Variants in SLC25A48 observed in about 807,000 individuals in gnomAD.
SLC25A48 encodes CTC-321K16.1.
SLC25A48 carries 29 observed loss-of-function variants against 32.2 expected under a neutral mutation model. The observed-to-expected ratio is 0.90, with a 90% CI of 0.67 to 1.23. The LOEUF is 1.23. SLC25A48 is among the 50% of genes most tolerant of loss of function. The pLI is 0.00. For missense variants in SLC25A48, 399 were observed against 422.7 expected, an observed-to-expected ratio of 0.94 and a Z score of 0.49; for synonymous variants, 164 against 172.3, an observed-to-expected ratio of 0.95 and a Z score of 0.38.
At chr5:135,753,355 A>AATGAG (rs1755815877) in intron 3 of SLC25A48, among the ~76,000 whole-genome samples, 1 of 151,998 alleles carries the variant, frequency 6.6e-6, no homozygotes, top group African/African-American at 2.4e-5. Flanking sequence ...TAGTAGCAGT[A>AATGAG]ATATCTCGAG....
chr5:135,799,784 T>G (rs1757276681), intron 3 of SLC25A48, among the ~76,000 whole-genome samples: 1 of 151,774 alleles, frequency 6.6e-6, no homozygotes, highest in African/African-American at 2.4e-5. Context: ...ACTTTAATAT[T>G]GTTCCTAATA....
chr5:135,849,346 A>G (rs1188031552), intron 2 of SLC25A48, among the ~76,000 whole-genome samples: 1 of 152,136 alleles, frequency 6.6e-6, no homozygotes, highest in Non-Finnish European at 1.5e-5. Context: ...CAGGCATGAC[A>G]TGCTGTGTGT....
intron 3 of SLC25A48, among the ~76,000 whole-genome samples, chr5:135,689,153 G>A (rs184893105): frequency 0.03 from 4,588 of 152,264 alleles, 229 homozygotes; most frequent in African/African-American, 0.1. Context: ...AATGAGATAA[G>A]CCAAATACTC....
chr5:135,874,135 A>T lies in SLC25A48; in HGVS notation c.794A>T (p.Tyr265Phe), dbSNP rs1444714431. ...KGVLDCISQS[Y>F]QKEGLKVFFR... is the part of the protein sequence containing the mutation. ...GTCCTGGACTGTATCTCCCAGAGTTACCAGAAGGAAGGTCTTAAAGTAAGC... is the reference window on the plus strand; with the variant it reads ...GTCCTGGACTGTATCTCCCAGAGTTTCCAGAAGGAAGGTCTTAAAGTAAGC... Residue 265 changes from tyrosine (Y) to phenylalanine (F), a missense_variant, in exon 6 of 8, where the codon TAC becomes TTC. Physicochemically the swap from Tyr to Phe is conservative, Grantham distance 22. Coordinates refer to ENST00000681962, the MANE Select transcript of SLC25A48 (RefSeq NM_001349336.2). 2 of 1,475,732 alleles carry T rather than the reference A, an allele frequency of 1.4e-6. No homozygotes were observed. The highest frequency in any genetic ancestry group is 5.0e-5 in the Admixed American group (2 of 39,964). The allele number at this position is 1,475,732 out of a possible 1,614,324, so 91.4% of individuals were successfully genotyped here.
chr5:135,835,679 A>G (rs1226707141), intron 1 of SLC25A48, among the ~76,000 whole-genome samples: 1 of 38,940 alleles, frequency 2.6e-5, no homozygotes, highest in East Asian at 1.2e-3. Context: ...TGCTAATTGT[A>G]AAAAAAAAAA....
chr5:135,657,684 T>C (rs1753286152), intron 3 of SLC25A48, among the ~76,000 whole-genome samples: 2 of 152,184 alleles, frequency 1.3e-5, no homozygotes, highest in South Asian at 4.1e-4. Context: ...CTACTGACTG[T>C]GTGTATCTAG....
chr5:135,803,752 C>T (rs1291458890), intron 3 of SLC25A48, among the ~76,000 whole-genome samples: 2 of 151,416 alleles, frequency 1.3e-5, no homozygotes, highest in South Asian at 2.1e-4. Context: ...AATAGGATAT[C>T]GCCCTGTGTG....
intron 3 of SLC25A48, among the ~76,000 whole-genome samples, chr5:135,712,003 C>T (rs1202718301): frequency 3.3e-5 from 5 of 151,986 alleles, no homozygotes; most frequent in Admixed American, 3.3e-4. Context: ...CTCCCAACTT[C>T]TCGCAAGTCT....
At chr5:135,778,840 C>G (rs139076077) in intron 3 of SLC25A48, among the ~76,000 whole-genome samples, 1 of 123,386 alleles carries the variant, frequency 8.1e-6, no homozygotes, top group Non-Finnish European at 1.7e-5. Context: ...TGTACACACA[C>G]CCCCCCCGCC....
chr5:135,734,952 G>A (rs530063140), intron 3 of SLC25A48, among the ~76,000 whole-genome samples: 3 of 152,198 alleles, frequency 2.0e-5, no homozygotes, highest in Non-Finnish European at 2.9e-5. Context: ...CCGCTAAGCC[G>A]AGAAGATCTG....
At chr5:135,630,404 A>C (rs1393737846) in intron 2 of SLC25A48, among the ~76,000 whole-genome samples, 1 of 152,106 alleles carries the variant, frequency 6.6e-6, no homozygotes, top group Non-Finnish European at 1.5e-5. Flanking sequence ...GCTCATTCTC[A>C]TGGGGATGAG....
chr5:135,874,069 G>A lies in SLC25A48; in HGVS notation c.728G>A (p.Arg243Gln), dbSNP rs1238898737. The change falls in exon 6 of 8, where the codon CGA (arginine) becomes CAA (glutamine). Residue 243 changes from arginine (R) to glutamine (Q), a missense_variant. Physicochemically the swap from Arg to Gln is conservative, Grantham distance 43 (BLOSUM62 1). Coordinates refer to ENST00000681962, the MANE Select transcript of SLC25A48 (RefSeq NM_001349336.2). ...TATPMDVVKSRLQADGVYLNK... is the reference protein window; with the variant it reads ...TATPMDVVKSQLQADGVYLNK... ...ACTCCTATGGATGTCGTGAAAAGTC[G>A]ACTCCAAGCTGATGGGGTTTATTTA... The A allele has an allele frequency of 9.2e-6, 14 of 1,529,908 alleles. No individual in the cohort carries two copies. Among genetic ancestry groups the A allele is most frequent in the Middle Eastern group, 1.7e-4 (1 of 5,970 alleles). 94.8% of individuals were successfully genotyped at this position (1,529,908 alleles called of 1,614,324 possible). A position where few individuals can be genotyped will look rare whatever the true frequency, so the allele number is the denominator to read the frequency against.
intron 5 of SLC25A48, chr5:135,872,806 CTCCTCA>C (rs765747512): frequency 5.9e-5 from 9 of 152,560 alleles, no homozygotes; most frequent in Non-Finnish European, 1.2e-4. Context: ...TCTCTTTCTC[CTCCTCA>C]TCATCACAGT....
intron 3 of SLC25A48, among the ~76,000 whole-genome samples, chr5:135,690,822 G>A (rs534446470): frequency 9.2e-5 from 14 of 152,224 alleles, no homozygotes; most frequent in Non-Finnish European, 1.8e-4. Context: ...TTGGAAGGCG[G>A]AGTGTGGGGC....
At chr5:135,595,259 A>G (rs1481370703) in intron 1 of SLC25A48, among the ~76,000 whole-genome samples, 2 of 152,196 alleles carry the variant, frequency 1.3e-5, no homozygotes, top group African/African-American at 2.4e-5. Context: ...GGGCAGGGCT[A>G]TGGGATTGCT....
Position 135,668,777 on chromosome 5 carries a change from A to C in SLC25A48, c.-521+33821A>C, listed in dbSNP as rs143872225. 2.1e-3 allele frequency among the ~76,000 whole-genome samples: 313 copies of C among 152,362 alleles called. 2 individuals are homozygous for C. The highest frequency in any genetic ancestry group is 7.3e-3 in the African/African-American group (303 of 41,578). ...TAGGGGCTCTGTTCCCTAAGCCAGC[A>C]ACATAGGATAATTAGCATGTCTTCC... On this transcript the variant is annotated intron_variant, in intron 3 of 10. Coordinates refer to the SLC25A48 transcript ENST00000646290.
In SLC25A48 at chr5:135,629,310, G is replaced by A. The variant is rs972655285; in HGVS notation, c.-775G>A. 1 of 152,234 alleles carries A rather than the reference G, an allele frequency of 6.6e-6. No homozygotes were observed. The highest frequency in any genetic ancestry group is 2.1e-4 in the South Asian group (1 of 4,826). 9.4% of individuals were successfully genotyped at this position (152,234 alleles called of 1,614,324 possible). On this transcript the variant is annotated 5_prime_UTR_variant, in exon 2 of 11. Transcript: ENST00000646290. The surrounding 1 kb of genome is among the most constrained non-coding windows in gnomAD (Gnocchi z 4.8). ...GGATGTACAGCCAAACACCTGGGTT[G>A]GGAATGCAGAAAACAGGCATGGAAT...
intron 3 of SLC25A48, among the ~76,000 whole-genome samples, chr5:135,737,607 G>T (rs934710169): frequency 1.1e-4 from 17 of 152,112 alleles, no homozygotes; most frequent in African/African-American, 4.1e-4. Flanking sequence ...TGGAAACCTG[G>T]AAAAGCTCTT....
intron 1 of SLC25A48, among the ~76,000 whole-genome samples, chr5:135,596,212 A>G (rs1181638336): frequency 6.6e-6 from 1 of 152,216 alleles, no homozygotes; most frequent in Non-Finnish European, 1.5e-5. Flanking sequence ...TTTGATTTCC[A>G]TGATTGGAGC....
Sources: allele counts gnomAD v4.1 joint callset (sites outside exome capture counted in the v4.1 genomes callset), GRCh38; gene constraint gnomAD v4.1.1; non-coding constraint Gnocchi (gnomAD v3.1); transcripts MANE v1.5; gene names NCBI Gene and HGNC (gene_info 2026-07-23, HGNC 2026-07-21).